Variants in ITPKB observed in about 807,000 individuals in gnomAD.
The protein encoded by ITPKB is IP3 3-kinase B.
A neutral mutation model predicts 69.4 loss-of-function variants in ITPKB; 13 were observed. The observed-to-expected ratio is 0.19, with a 90% CI of 0.12 to 0.30. ITPKB has a LOEUF of 0.30. ITPKB is among the 10% of genes least tolerant of loss of function. The pLI is 1.00. For synonymous variants in ITPKB, 584 were observed against 513.7 expected, an observed-to-expected ratio of 1.14 and a Z score of -1.85; for missense variants, 1,240 against 1,250.5, an observed-to-expected ratio of 0.99 and a Z score of 0.13.
At chr1:226,677,387 T>C (rs1487177337) in intron 2 of ITPKB, among the ~76,000 whole-genome samples, 1 of 152,106 alleles carries the variant, frequency 6.6e-6, no homozygotes, top group African/African-American at 2.4e-5. Flanking sequence ...GAGGTGTGTG[T>C]GCAGAGGGGG....
chr1:226,713,637 C>T (rs775001176), intron 2 of ITPKB, among the ~76,000 whole-genome samples: 19 of 152,228 alleles, frequency 1.2e-4, no homozygotes, highest in Non-Finnish European at 2.2e-4. Context: ...CCAGAATGTT[C>T]TCAGTCGCTA....
At chr1:226,645,376 TC>T (rs1332879250) in intron 4 of ITPKB, among the ~76,000 whole-genome samples, 1 of 152,112 alleles carries the variant, frequency 6.6e-6, no homozygotes, top group East Asian at 1.9e-4. Context: ...TAGGGTGCAA[TC>T]AGAGAGAAGC....
At chr1:226,697,635 A>G (rs951977495) in intron 2 of ITPKB, among the ~76,000 whole-genome samples, 3 of 152,216 alleles carry the variant, frequency 2.0e-5, no homozygotes, top group African/African-American at 7.2e-5. Context: ...ATGCAGTCCC[A>G]AGCACTCTGC....
Position 226,735,939 on chromosome 1 carries a change from C to G in ITPKB, c.1520G>C (p.Arg507Thr). 1.2e-6 allele frequency: 2 copies of G among 1,614,114 alleles called. No homozygotes were observed. Among genetic ancestry groups the G allele is most frequent in the Non-Finnish European group, 8.5e-7 (1 of 1,180,016 alleles). Residue 507 changes from arginine to threonine, a missense_variant, in exon 2 of 8, where the codon AGG becomes ACG. Physicochemically the swap from Arg to Thr is moderately conservative, Grantham distance 71 (BLOSUM62 -1). Coordinates refer to ENST00000429204, the MANE Select transcript of ITPKB (RefSeq NM_002221.4). ...DRVGVQPGNSRVWQGTMEKAG... is the reference protein window; with the variant it reads ...DRVGVQPGNSTVWQGTMEKAG... Reference sequence around the variant, plus strand: ...TTTCTCCATGGTGCCCTGCCAAACCCTGGAGTTCCCAGGCTGCACACCCAC... The same window carrying G: ...TTTCTCCATGGTGCCCTGCCAAACCGTGGAGTTCCCAGGCTGCACACCCAC...
At chr1:226,686,046 G>T (rs1656209863) in intron 2 of ITPKB, among the ~76,000 whole-genome samples, 1 of 152,208 alleles carries the variant, frequency 6.6e-6, no homozygotes, top group Non-Finnish European at 1.5e-5. Flanking sequence ...AGGTTAACAA[G>T]GCAAGTTGCT....
chr1:226,691,742 T>C (rs1656357539), intron 2 of ITPKB, among the ~76,000 whole-genome samples: 1 of 152,242 alleles, frequency 6.6e-6, no homozygotes, highest in Non-Finnish European at 1.5e-5. Context: ...CAGTCTATCA[T>C]GCCACCTTAG....
At chr1:226,700,476 A>C (rs1362814327) in intron 2 of ITPKB, among the ~76,000 whole-genome samples, 3 of 149,216 alleles carry the variant, frequency 2.0e-5, no homozygotes, top group Admixed American at 1.3e-4. Flanking sequence ...AAAAAAAAAA[A>C]AAAAAAAAAA....
chr1:226,672,599 G>A (rs1669638417), intron 2 of ITPKB, among the ~76,000 whole-genome samples: 1 of 152,174 alleles, frequency 6.6e-6, no homozygotes, highest in African/African-American at 2.4e-5. Context: ...TCGGTGTGAG[G>A]CATATGGCTT....
chr1:226,650,913 G>A (rs965593605), intron 2 of ITPKB, among the ~76,000 whole-genome samples: 1 of 152,198 alleles, frequency 6.6e-6, no homozygotes, highest in African/African-American at 2.4e-5. Flanking sequence ...CCTGGAAAGT[G>A]ACCTTCCCTC....
intron 2 of ITPKB, among the ~76,000 whole-genome samples, chr1:226,649,648 A>T (rs964984481): frequency 3.3e-5 from 5 of 152,138 alleles, no homozygotes; most frequent in African/African-American, 1.2e-4. Context: ...AAGGAGAACT[A>T]AGGTATATTG....
chr1:226,721,067 G>A (rs2102643462), intron 2 of ITPKB, among the ~76,000 whole-genome samples: 1 of 150,956 alleles, frequency 6.6e-6, no homozygotes, highest in South Asian at 2.1e-4. Flanking sequence ...ATATTGGCCG[G>A]GCGCAGTGGT....
At chr1:226,692,875 TCTC>T (rs1347170040) in intron 2 of ITPKB, among the ~76,000 whole-genome samples, 1 of 152,102 alleles carries the variant, frequency 6.6e-6, no homozygotes, top group African/African-American at 2.4e-5. Context: ...TACTCTCATT[TCTC>T]CTCCTCCTCC....
At chr1:226,673,703 C>T (rs1456615570) in intron 2 of ITPKB, among the ~76,000 whole-genome samples, 1 of 152,016 alleles carries the variant, frequency 6.6e-6, no homozygotes, top group Non-Finnish European at 1.5e-5. Flanking sequence ...GTACATATAC[C>T]ATATACATTA....
chr1:226,636,971 G>A (rs879876482), intron 7 of ITPKB, among the ~76,000 whole-genome samples: 5 of 152,098 alleles, frequency 3.3e-5, no homozygotes, highest in Non-Finnish European at 7.4e-5. Context: ...ATTTGTGAAT[G>A]TGTGTGCATG....
chr1:226,670,136 A>C (rs1473193150), intron 2 of ITPKB, among the ~76,000 whole-genome samples: 1 of 142,198 alleles, frequency 7.0e-6, no homozygotes, highest in Admixed American at 7.5e-5. Flanking sequence ...GCCCTCCCAA[A>C]ATGCTGGGAT....
At chr1:226,714,771 G>A (rs1217227752) in intron 2 of ITPKB, among the ~76,000 whole-genome samples, 1 of 152,250 alleles carries the variant, frequency 6.6e-6, no homozygotes, top group Non-Finnish European at 1.5e-5. Context: ...ACTTCACACT[G>A]TAAACATGCT....
chr1:226,687,301 G>GAGTCATGA (rs746154495), intron 2 of ITPKB, among the ~76,000 whole-genome samples: 5 of 152,178 alleles, frequency 3.3e-5, no homozygotes, highest in Non-Finnish European at 5.9e-5. Context: ...GAGCTCTTCA[G>GAGTCATGA]AGTCATGAGT....
intron 2 of ITPKB, among the ~76,000 whole-genome samples, chr1:226,724,727 C>G (rs937501039): frequency 1.3e-5 from 2 of 152,186 alleles, no homozygotes; most frequent in Non-Finnish European, 2.9e-5. Context: ...GACTCTATAA[C>G]GTGTACTAAG....
chr1:226,641,464 A>G lies in ITPKB; in HGVS notation c.2451+457T>C, dbSNP rs1001988238. Among the ~76,000 whole-genome samples, 9 of 152,248 alleles carry G rather than the reference A, an allele frequency of 5.9e-5. No homozygotes were observed. Among genetic ancestry groups the G allele is most frequent in the African/African-American group, 2.2e-4 (9 of 41,476 alleles). On this transcript the variant is annotated intron_variant, in intron 5 of 7. Transcript: ENST00000429204. This position sits in a 1 kb window ranked among gnomAD's most constrained non-coding sequence, Gnocchi z 4.6. ...AATAAATATTTTAAAATTTCCAAAAAAAGATCGAAGAGCAAAGCAGAGAGA... is the reference window on the plus strand; with the variant it reads ...AATAAATATTTTAAAATTTCCAAAAGAAGATCGAAGAGCAAAGCAGAGAGA...
Sources: gnomAD v4.1 joint callset for allele counts (sites outside exome capture counted in the v4.1 genomes callset) on GRCh38, gnomAD v4.1.1 for gene constraint, Gnocchi (gnomAD v3.1) non-coding constraint, MANE v1.5 for transcripts, NCBI Gene and HGNC (gene_info 2026-07-23, HGNC 2026-07-21) for gene names.